RBL2: variants seen among roughly 807,000 people sequenced by gnomAD.
RBL2 encodes retinoblastoma-like protein 2.
Under a neutral mutation model 126.0 loss-of-function variants are expected in RBL2, and 56 were observed. That is an observed-to-expected ratio of 0.44 (90% CI 0.36 to 0.56). The LOEUF is 0.56. Among genes scored for constraint, RBL2 ranks in the 20% least tolerant of loss-of-function variants. RBL2 has a pLI of 0.00. For missense variants in RBL2, 1,229 were observed against 1,398.2 expected, an observed-to-expected ratio of 0.88 and a Z score of 1.93; for synonymous variants, 454 against 478.5, an observed-to-expected ratio of 0.95 and a Z score of 0.67.
chr16:53,481,517 A>C (rs1054030024), intron 20 of RBL2, 154 bp from the exon 21 acceptor site: 5 of 667,982 alleles, frequency 7.5e-6, no homozygotes, highest in Admixed American at 6.7e-5. Flanking sequence ...GTTTGCTATT[A>C]GAATATTTTT....
chr16:53,458,893 A>G (rs1010995989), intron 8 of RBL2, among the ~76,000 whole-genome samples: 5 of 152,228 alleles, frequency 3.3e-5, no homozygotes, highest in Admixed American at 6.5e-5. Flanking sequence ...CACACAGCAC[A>G]TGGGAATTCT....
chr16:53,455,222 A>G (rs550319024), intron 8 of RBL2, among the ~76,000 whole-genome samples: 1 of 152,344 alleles, frequency 6.6e-6, no homozygotes, highest in African/African-American at 2.4e-5. Flanking sequence ...ATGAGGATCT[A>G]CAGTCTTTAA....
chr16:53,453,846 G>A (rs377295404), intron 7 of RBL2, 77 bp downstream of exon 7: 2 of 1,269,824 alleles, frequency 1.6e-6, no homozygotes, highest in Admixed American at 2.5e-5. Context: ...TGTTTTTATT[G>A]TTTGTACTCT....
At position 53,434,754 on chromosome 16, in the gene RBL2, C is replaced by T. The variant is rs1470670172; in HGVS notation, c.198C>T (p.Ala66=). The change falls in exon 1 of 22, where the codon GCC becomes GCT. Residue 66 remains alanine (A), a synonymous_variant. Coordinates refer to ENST00000262133, the MANE Select transcript of RBL2 (RefSeq NM_005611.4). The part of the protein sequence containing the change: ...LNMDEAARAE[A]WDSYRSMSES... ...TGGACGAGGCGGCGCGGGCCGAGGC[C>T]TGGGACAGCTACCGCAGCATGAGCG... 1.3e-6 allele frequency: 2 copies of T among 1,539,334 alleles called. No individual in the cohort carries two copies. Among genetic ancestry groups the T allele is most frequent in the Non-Finnish European group, 1.7e-6 (2 of 1,149,786 alleles).
intron 1 of RBL2, among the ~76,000 whole-genome samples, chr16:53,437,803 G>A (rs1019067443): frequency 6.6e-6 from 1 of 151,928 alleles, no homozygotes; most frequent in African/African-American, 2.4e-5. Flanking sequence ...CTAGGTGGGC[G>A]AGTCACGAGG....
intron 21 of RBL2, chr16:53,489,384 A>G (rs1961306795): frequency 1.3e-5 from 2 of 152,232 alleles, no homozygotes; most frequent in South Asian, 2.1e-4. Flanking sequence ...GTAAGCAAAC[A>G]TGGATGAAGC....
intron 17 of RBL2, among the ~76,000 whole-genome samples, chr16:53,472,197 C>T (rs1598120007): frequency 6.6e-6 from 1 of 152,126 alleles, no homozygotes; most frequent in Admixed American, 6.6e-5. Flanking sequence ...CAACTGTTGG[C>T]TATAGTGAAT....
In RBL2 at chr16:53,439,954, CAAAA is replaced by C. The variant is rs10591959; in HGVS notation, c.371+829_371+832del. 9.8e-5 allele frequency among the ~76,000 whole-genome samples: 9 copies of C among 91,936 alleles called. No individual in the cohort carries two copies. In the South Asian group the frequency reaches 1.1e-3, roughly 11 times the overall value. The allele number at this position is 91,936 out of a possible 152,430, so 60.3% of individuals were successfully genotyped here. On this transcript the variant is annotated intron_variant, in intron 2 of 21. Coordinates refer to ENST00000262133, the MANE Select transcript of RBL2 (RefSeq NM_005611.4). The stretch of plus-strand genomic sequence containing the variant: ...GGGCCACAGAGCAAGACCTTGTCTC[CAAAA>C]AAAAAAAAAAAAAAAAAAAAGAAGG...
intron 2 of RBL2, among the ~76,000 whole-genome samples, chr16:53,439,954 C>CAAA (rs10591959): frequency 1.9e-3 from 177 of 91,504 alleles, no homozygotes; most frequent in African/African-American, 4.7e-3. Context: ...ACCTTGTCTC[C>CAAA]AAAAAAAAAA....
intron 9 of RBL2, among the ~76,000 whole-genome samples, chr16:53,460,796 T>A (rs1052155203): frequency 3.9e-5 from 6 of 152,194 alleles, no homozygotes; most frequent in African/African-American, 1.4e-4. Flanking sequence ...TATAATTTTT[T>A]AAACTTGCTT....
chr16:53,478,964 T>C lies in RBL2; in HGVS notation c.2704-190T>C, dbSNP rs148633973. 2,001 of 581,072 alleles carry C rather than the reference T, an allele frequency of 3.4e-3. 5 individuals carry two copies. Among genetic ancestry groups the C allele is most frequent in the Non-Finnish European group, 4.8e-3 (1,593 of 328,644 alleles). The allele number at this position is 581,072 out of a possible 1,614,324, so 36.0% of individuals were successfully genotyped here. A position where few individuals can be genotyped will look rare whatever the true frequency, so the allele number is the denominator to read the frequency against. ...ATACTATAGACTCCTATTGTTTTTATTGAATTTTAATAGATATTCTTGAAT... is the reference window on the plus strand; with the variant it reads ...ATACTATAGACTCCTATTGTTTTTACTGAATTTTAATAGATATTCTTGAAT... On this transcript the variant is annotated intron_variant, in intron 17 of 21. Coordinates refer to ENST00000262133, the MANE Select transcript of RBL2 (RefSeq NM_005611.4).
chr16:53,449,672 G>A (rs1267949055), intron 4 of RBL2: 1 of 150,644 alleles, frequency 6.6e-6, no homozygotes, highest in African/African-American at 2.4e-5. Context: ...TTTTCTAATA[G>A]TCATTTAATT....
intron 14 of RBL2, 71 bp from the exon 15 acceptor site, chr16:53,469,845 A>G: frequency 6.9e-7 from 1 of 1,446,768 alleles, no homozygotes; most frequent in African/African-American, 1.4e-5. Flanking sequence ...TTTTTAACAT[A>G]AGAGCTTGGA....
intron 13 of RBL2, 98 bp from the exon 14 acceptor site, chr16:53,466,960 T>A (rs1168119025): frequency 1.2e-6 from 1 of 806,970 alleles, no homozygotes; most frequent in African/African-American, 1.8e-5. Flanking sequence ...TTAGATGGAA[T>A]AATTGTTAAG....
intron 17 of RBL2, among the ~76,000 whole-genome samples, chr16:53,475,835 CTTTTTTTTTTTT>C (rs10540773): frequency 1.2e-4 from 9 of 76,422 alleles, no homozygotes; most frequent in Admixed American, 3.2e-4. Flanking sequence ...ATTTCAATAT[CTTTTTTTTTTTT>C]TTTTTTTTTT....
chr16:53,455,667 A>G (rs920985424), intron 8 of RBL2, among the ~76,000 whole-genome samples: 3 of 151,940 alleles, frequency 2.0e-5, no homozygotes, highest in African/African-American at 7.2e-5. Context: ...GGAGAATGGG[A>G]TGGGTGGGCT....
chr16:53,440,884 G>T (rs915418044), intron 2 of RBL2, among the ~76,000 whole-genome samples: 1 of 149,590 alleles, frequency 6.7e-6, no homozygotes, highest in African/African-American at 2.5e-5. Flanking sequence ...GGGAAAATTT[G>T]AAGTCTGGTA....
chr16:53,468,512 T>G (rs1449251769), intron 14 of RBL2, among the ~76,000 whole-genome samples: 1 of 152,228 alleles, frequency 6.6e-6, no homozygotes, highest in Non-Finnish European at 1.5e-5. Flanking sequence ...CGTTCCCTAA[T>G]CTACAGATTA....
intron 21 of RBL2, chr16:53,489,120 T>C (rs1327274807): frequency 6.6e-6 from 1 of 151,634 alleles, no homozygotes; most frequent in Non-Finnish European, 1.5e-5. Flanking sequence ...TAAAGAACAC[T>C]GATTTTCATT....
Sources: allele counts gnomAD v4.1 joint callset (sites outside exome capture counted in the v4.1 genomes callset), GRCh38; gene constraint gnomAD v4.1.1; transcripts MANE v1.5; gene names NCBI Gene and HGNC (gene_info 2026-07-23, HGNC 2026-07-21).